The following NAV3 variants were observed in gnomAD, a reference collection of about 807,000 sequenced individuals.
NAV3 encodes the protein neuron navigator 3.
A neutral mutation model predicts 244.7 loss-of-function variants in NAV3; 87 were observed. The ratio of observed to expected loss-of-function variants is 0.36; its 90% CI spans 0.30 to 0.42. The LOEUF (loss-of-function observed/expected upper bound fraction) is 0.42. NAV3 is among the 20% of genes least tolerant of loss of function. The pLI, the probability that NAV3 is intolerant of heterozygous loss-of-function variation, is 1.00. For missense variants in NAV3, 2,663 were observed against 2,893.3 expected, an observed-to-expected ratio of 0.92 and a Z score of 1.83; for synonymous variants, 1,126 against 1,042.2, an observed-to-expected ratio of 1.08 and a Z score of -1.55.
At chr12:77,833,101 C>A (rs1330947633) in intron 1 of NAV3, among the ~76,000 whole-genome samples, 2 of 152,196 alleles carry the variant, frequency 1.3e-5, no homozygotes, top group East Asian at 3.9e-4. Flanking sequence ...GCTATCCCTT[C>A]CCCACCATTC....
rs572499892 is a variant in NAV3, at chr12:78,045,456, C to T, written c.2024-4537C>T. The stretch of plus-strand genomic sequence containing the variant: ...GGCTGCAGGTGTGTGCCACCATACC[C>T]GGCTAATTTTGTATTTTTAGTAGAG... On this transcript the variant is annotated intron_variant, in intron 9 of 39. Coordinates refer to ENST00000397909, the MANE Select transcript of NAV3 (RefSeq NM_001024383.2). 1.8e-4 allele frequency among the ~76,000 whole-genome samples: 28 copies of T among 152,130 alleles called. No individual in the cohort carries two copies. In the South Asian group the frequency reaches 4.8e-3, roughly 26 times the overall value.
In NAV3 at chr12:78,179,698, C is replaced by T; in HGVS notation, c.5517+16C>T. ...CCGGATGCAGGTTGGTACTGAAGCA[C>T]TTTCAAGGAATAAAATGGAGAAACA... On this transcript the variant is annotated intron_variant, in intron 29 of 39. Coordinates refer to ENST00000397909, the MANE Select transcript of NAV3 (RefSeq NM_001024383.2). 1 of 1,593,990 alleles carries T rather than the reference C, an allele frequency of 6.3e-7. No homozygotes were observed. Among genetic ancestry groups the T allele is most frequent in the South Asian group, 1.1e-5 (1 of 89,154 alleles).
At chr12:78,166,731 T>G (rs1485978479) in intron 23 of NAV3, among the ~76,000 whole-genome samples, 1 of 151,808 alleles carries the variant, frequency 6.6e-6, no homozygotes, top group African/African-American at 2.4e-5. Flanking sequence ...CTACATTTTA[T>G]CTTTTTGAAA....
intron 28 of NAV3, 128 bp downstream of exon 28, chr12:78,177,813 C>A: frequency 1.2e-6 from 1 of 852,068 alleles, no homozygotes; most frequent in Non-Finnish European, 1.7e-6. Context: ...TCTGTTTTTT[C>A]AACTAAAATT....
intron 20 of NAV3, chr12:78,144,934 AAAAAAAAAAAAAAG>A (rs748598616): frequency 0.084 from 12,343 of 147,606 alleles, 908 homozygotes; most frequent in East Asian, 0.22. Context: ...AAAAAAAAAA[AAAAAAAAAAAAAAG>A]AAAGAAAGAA....
At chr12:77,647,069 C>CAT (rs1565751627) in intron 2 of NAV3, among the ~76,000 whole-genome samples, 1 of 149,692 alleles carries the variant, frequency 6.7e-6, no homozygotes, top group African/African-American at 2.5e-5. Flanking sequence ...TATATATATA[C>CAT]ACACACACAC....
At chr12:77,923,235 TA>T (rs1443548423) in intron 1 of NAV3, among the ~76,000 whole-genome samples, 2 of 152,068 alleles carry the variant, frequency 1.3e-5, no homozygotes, top group African/African-American at 2.4e-5. Flanking sequence ...ATTTAAGAAA[TA>T]AAAAGCACAT....
chr12:78,093,423 C>T (rs1290765472), intron 12 of NAV3, among the ~76,000 whole-genome samples: 1 of 152,090 alleles, frequency 6.6e-6, no homozygotes, highest in Non-Finnish European at 1.5e-5. Context: ...TTATGGAGTA[C>T]AAGAACAGAG....
At chr12:77,894,211 G>T (rs1406323852) in intron 1 of NAV3, among the ~76,000 whole-genome samples, 5 of 152,146 alleles carry the variant, frequency 3.3e-5, no homozygotes, top group African/African-American at 9.6e-5. Context: ...TAGTGTTGTT[G>T]TCACCACCCC....
At position 77,726,878 on chromosome 12, in the gene NAV3, C is replaced by T. The variant is rs143876349; in HGVS notation, c.72+154612C>T. Among the ~76,000 whole-genome samples, 125 of 151,862 alleles carry T rather than the reference C, an allele frequency of 8.2e-4. 1 individual carries two copies. Among genetic ancestry groups the T allele is most frequent in the Admixed American group, 1.6e-3 (25 of 15,220 alleles). On this transcript the variant is annotated intron_variant, in intron 2 of 8. Transcript: ENST00000550042. Reference sequence around the variant, plus strand: ...TAAGAAAAATGGCTTGGGATGAAGACGGAGAGGTGAGAAAAGCCATTTCAT... The same window carrying T: ...TAAGAAAAATGGCTTGGGATGAAGATGGAGAGGTGAGAAAAGCCATTTCAT...
intron 2 of NAV3, among the ~76,000 whole-genome samples, chr12:77,779,193 G>A (rs756821497): frequency 3.9e-5 from 6 of 152,106 alleles, no homozygotes; most frequent in Non-Finnish European, 8.8e-5. Flanking sequence ...TTTGTGGTTT[G>A]GATTTGAAAT....
intron 12 of NAV3, among the ~76,000 whole-genome samples, chr12:78,106,577 G>A (rs1051394821): frequency 2.6e-5 from 4 of 152,160 alleles, no homozygotes; most frequent in Non-Finnish European, 5.9e-5. Context: ...AATTCAAATG[G>A]AAATGCAAAA....
intron 2 of NAV3, among the ~76,000 whole-genome samples, chr12:77,772,853 G>A (rs1025999408): frequency 2.6e-5 from 4 of 152,116 alleles, no homozygotes; most frequent in African/African-American, 7.2e-5. Flanking sequence ...CTGACTTAAC[G>A]CACTAAACAG....
chr12:77,812,124 A>G (rs1872314216), intron 2 of NAV3, among the ~76,000 whole-genome samples: 1 of 152,122 alleles, frequency 6.6e-6, no homozygotes, highest in African/African-American at 2.4e-5. Flanking sequence ...TCTACTTTGA[A>G]ACAACAGCCC....
chr12:78,124,435 A>G (rs1365038669), intron 16 of NAV3, among the ~76,000 whole-genome samples: 1 of 20,784 alleles, frequency 4.8e-5, no homozygotes, highest in Non-Finnish European at 1.2e-4. Flanking sequence ...GGCCAATTTT[A>G]TTTATGTTAT....
Position 78,126,701 on chromosome 12 carries a change from C to G in NAV3, c.4239-466C>G, listed in dbSNP as rs551275156. 8.5e-5 allele frequency among the ~76,000 whole-genome samples: 13 copies of G among 152,156 alleles called. No individual in the cohort carries two copies. In the South Asian group the frequency reaches 1.5e-3, roughly 17 times the overall value. On this transcript the variant is annotated intron_variant, in intron 16 of 39. Transcript: ENST00000397909. Reference sequence around the variant, plus strand: ...CATGTATAAATGGGAAATAAACATGCCTTTTTATTAAAAATAATTTGAAGA... The same window carrying G: ...CATGTATAAATGGGAAATAAACATGGCTTTTTATTAAAAATAATTTGAAGA...
intron 20 of NAV3, among the ~76,000 whole-genome samples, chr12:78,144,529 G>A (rs974679864): frequency 6.6e-6 from 1 of 152,028 alleles, no homozygotes; most frequent in Non-Finnish European, 1.5e-5. Context: ...AATAACCACA[G>A]AGTACGAAAG....
chr12:77,800,859 A>G (rs1454281996), intron 2 of NAV3, among the ~76,000 whole-genome samples: 1 of 151,992 alleles, frequency 6.6e-6, no homozygotes, highest in Non-Finnish European at 1.5e-5. Context: ...CAATTATTAG[A>G]TTTTTCTTTA....
At chr12:77,977,583 A>G (rs956341072) in intron 5 of NAV3, among the ~76,000 whole-genome samples, 13 of 151,958 alleles carry the variant, frequency 8.6e-5, no homozygotes, top group Non-Finnish European at 1.2e-4. Context: ...CAATGTTCAT[A>G]TGATTAATCT....
Sources: allele counts gnomAD v4.1 joint callset (sites outside exome capture counted in the v4.1 genomes callset), GRCh38; gene constraint gnomAD v4.1.1; transcripts MANE v1.5; gene names NCBI Gene and HGNC (gene_info 2026-07-23, HGNC 2026-07-21).